Variants in ZC3H12B observed in about 807,000 individuals in gnomAD.
ZC3H12B encodes probable ribonuclease ZC3H12B.
In ZC3H12B, 7 loss-of-function variants were observed where a neutral mutation model predicts 43.9. That is an observed-to-expected ratio of 0.16 (90% CI 0.09 to 0.30). The LOEUF is 0.30. Ranked by LOEUF, ZC3H12B falls within the 10% of genes least tolerant of loss-of-function variation. ZC3H12B has a pLI of 1.00. For missense variants in ZC3H12B, 475 were observed against 670.2 expected, an observed-to-expected ratio of 0.71 and a Z score of 3.22; for synonymous variants, 222 against 241.7, an observed-to-expected ratio of 0.92 and a Z score of 0.76.
chrX:65,053,171 G>A, the ZC3H12B span, among the ~76,000 whole-genome samples: 19 of 109,603 alleles, frequency 1.7e-4, no homozygotes, highest in African/African-American at 5.0e-4. Context: ...GGTTTGTTAC[G>A]TATGTATACA....
chrX:65,122,542 C>G, the ZC3H12B span, among the ~76,000 whole-genome samples: 1 of 111,191 alleles, frequency 9.0e-6, no homozygotes, highest in Non-Finnish European at 1.9e-5. Context: ...CATTATTAAC[C>G]TTAAATGTAT....
At chrX:65,153,111 G>A in the ZC3H12B span, among the ~76,000 whole-genome samples, 2 of 111,511 alleles carry the variant, frequency 1.8e-5, no homozygotes, top group Non-Finnish European at 3.8e-5. Context: ...TAAATGATAG[G>A]CCTAAAACCA....
chrX:65,373,933 G>GTATA (rs373674113), intron 2 of ZC3H12B, among the ~76,000 whole-genome samples: 2 of 41,316 alleles, frequency 4.8e-5, no homozygotes, highest in African/African-American at 2.6e-4. Flanking sequence ...TATATATATA[G>GTATA]TATATATATA....
At chrX:65,291,688 A>G in the ZC3H12B span, among the ~76,000 whole-genome samples, 4 of 112,112 alleles carry the variant, frequency 3.6e-5, no homozygotes, top group Non-Finnish European at 1.9e-5. Flanking sequence ...TAATTTTTTA[A>G]TTAGTGATGA....
chrX:65,093,022 A>G, the ZC3H12B span, among the ~76,000 whole-genome samples: 2 of 111,690 alleles, frequency 1.8e-5, no homozygotes, highest in African/African-American at 6.5e-5. Flanking sequence ...TCTGCCCTGC[A>G]CAGCTTTGGG....
At chrX:65,347,008 G>A in the ZC3H12B span, among the ~76,000 whole-genome samples, 4 of 112,101 alleles carry the variant, frequency 3.6e-5, no homozygotes, top group African/African-American at 1.3e-4. Flanking sequence ...TTCTGACTAG[G>A]AGATACCTCC....
intron 2 of ZC3H12B, among the ~76,000 whole-genome samples, chrX:65,373,391 G>T (rs1020063460): frequency 9.0e-6 from 1 of 111,437 alleles, no homozygotes; most frequent in South Asian, 3.8e-4. Flanking sequence ...CCATTACTGG[G>T]TATATACCCA....
the ZC3H12B span, among the ~76,000 whole-genome samples, chrX:65,243,174 C>T: frequency 3.6e-5 from 4 of 111,757 alleles, no homozygotes; most frequent in African/African-American, 9.8e-5. Context: ...AAACAATCAA[C>T]GAACTGAAGA....
chrX:65,370,723 C>T (rs776022510), intron 2 of ZC3H12B, among the ~76,000 whole-genome samples: 42 of 111,769 alleles, frequency 3.8e-4, no homozygotes, highest in African/African-American at 1.3e-3. Flanking sequence ...GAAAGAATTG[C>T]CTTCTAGGTC....
intron 3 of ZC3H12B, among the ~76,000 whole-genome samples, chrX:65,458,623 G>A (rs1041401071): frequency 6.3e-5 from 7 of 111,957 alleles, no homozygotes; most frequent in African/African-American, 2.3e-4. Flanking sequence ...GGTACCTAAC[G>A]AAATGAAGGC....
chrX:65,456,922 G>T (rs1359959170), intron 3 of ZC3H12B, among the ~76,000 whole-genome samples: 1 of 106,077 alleles, frequency 9.4e-6, no homozygotes, highest in Non-Finnish European at 2.0e-5. Flanking sequence ...GATATGAGGA[G>T]CCCCTCTGCC....
the ZC3H12B span, among the ~76,000 whole-genome samples, chrX:65,291,270 A>G: frequency 3.5e-3 from 391 of 111,630 alleles, 3 homozygotes; most frequent in African/African-American, 0.012. Context: ...AATATTAAGA[A>G]ATAATATTTA....
intron 2 of ZC3H12B, among the ~76,000 whole-genome samples, chrX:65,398,081 AT>A (rs904239488): frequency 7.6e-4 from 84 of 111,200 alleles, no homozygotes; most frequent in Non-Finnish European, 1.2e-3. Context: ...AAAGAAGTGA[AT>A]TTTTTTTTAA....
At chrX:65,211,750 A>T in the ZC3H12B span, among the ~76,000 whole-genome samples, 2 of 85,721 alleles carry the variant, frequency 2.3e-5, no homozygotes, top group Non-Finnish European at 2.1e-5. Flanking sequence ...ATATTATATA[A>T]TATATTATAT....
upstream of ZC3H12B, among the ~76,000 whole-genome samples, chrX:65,364,933 A>T (rs2066154050): frequency 9.0e-6 from 1 of 111,523 alleles, no homozygotes; most frequent in African/African-American, 3.3e-5. Flanking sequence ...TGGTCTGGGT[A>T]GACACTTTCA....
chrX:65,148,791 G>A, the ZC3H12B span, among the ~76,000 whole-genome samples: 1 of 111,711 alleles, frequency 9.0e-6, no homozygotes, highest in Non-Finnish European at 1.9e-5. Context: ...CTCATCTGGT[G>A]TCTTTAGTTC....
At chrX:65,305,598 C>A in the ZC3H12B span, among the ~76,000 whole-genome samples, 1 of 111,707 alleles carries the variant, frequency 9.0e-6, no homozygotes, top group African/African-American at 3.3e-5. Flanking sequence ...TTCTTTTAAT[C>A]CTTTCAGTAA....
chrX:65,287,810 C>G, the ZC3H12B span, among the ~76,000 whole-genome samples: 1 of 109,722 alleles, frequency 9.1e-6, no homozygotes, highest in African/African-American at 3.3e-5. Flanking sequence ...AGTATCAGAG[C>G]AGAATTAATG....
the ZC3H12B span, among the ~76,000 whole-genome samples, chrX:65,241,664 C>T: frequency 8.9e-6 from 1 of 112,753 alleles, no homozygotes; most frequent in Non-Finnish European, 1.9e-5. Context: ...CCACTGGATT[C>T]AGCAGGCTAG....
Sources: gnomAD v4.1 joint callset for allele counts (sites outside exome capture counted in the v4.1 genomes callset) on GRCh38, gnomAD v4.1.1 for gene constraint, MANE v1.5 for transcripts, NCBI Gene and HGNC (gene_info 2026-07-23, HGNC 2026-07-21) for gene names.